Variants in MYBPC1 observed in about 807,000 individuals in gnomAD.
The protein encoded by MYBPC1 is myosin binding protein C1.
Under a neutral mutation model 147.1 loss-of-function variants are expected in MYBPC1, and 52 were observed. That is an observed-to-expected ratio of 0.35 (90% CI 0.28 to 0.45). MYBPC1 has a LOEUF of 0.45. Ranked by LOEUF, MYBPC1 falls within the 20% of genes least tolerant of loss-of-function variation. The pLI is 1.00. For synonymous variants in MYBPC1, 477 were observed against 475.9 expected, an observed-to-expected ratio of 1.00 and a Z score of -0.03; for missense variants, 1,228 against 1,440.3, an observed-to-expected ratio of 0.85 and a Z score of 2.39.
chr12:101,618,599 A>G (rs938828113), intron 3 of MYBPC1, among the ~76,000 whole-genome samples: 2 of 152,224 alleles, frequency 1.3e-5, no homozygotes, highest in Non-Finnish European at 2.9e-5. Context: ...AAGCTGTCAA[A>G]GTTTAAACAA....
intron 4 of MYBPC1, among the ~76,000 whole-genome samples, 153 bp downstream of exon 4, chr12:101,627,063 C>T (rs1466828294): frequency 6.6e-6 from 1 of 152,094 alleles, no homozygotes; most frequent in African/African-American, 2.4e-5. Flanking sequence ...GAAATGTTGG[C>T]TTTAATGACA....
chr12:101,633,305 A>C (rs1697490), intron 8 of MYBPC1, among the ~76,000 whole-genome samples: 90,730 of 151,922 alleles, frequency 0.6, 27,786 homozygotes, highest in Middle Eastern at 0.72. Flanking sequence ...TCACACAGAA[A>C]ATGGAAAACA....
At chr12:101,682,212 A>G (rs1951049027) in intron 29 of MYBPC1, among the ~76,000 whole-genome samples, 1 of 152,192 alleles carries the variant, frequency 6.6e-6, no homozygotes, top group African/African-American at 2.4e-5. Flanking sequence ...AACTAAAAAA[A>G]AAAGTACCAC....
At chr12:101,609,855 ATT>A (rs1447535351) in intron 1 of MYBPC1, among the ~76,000 whole-genome samples, 1 of 152,226 alleles carries the variant, frequency 6.6e-6, no homozygotes, top group Non-Finnish European at 1.5e-5. Flanking sequence ...AGTTCAATGA[ATT>A]TAGGTTGCAA....
chr12:101,617,147 A>G, intron 2 of MYBPC1, 55 bp from the exon 3 acceptor site: 1 of 1,579,684 alleles, frequency 6.3e-7, no homozygotes. Flanking sequence ...GTTGCTCATC[A>G]CACAATAAAA....
chr12:101,660,302 T>G, intron 19 of MYBPC1: 1 of 238,566 alleles, frequency 4.2e-6, no homozygotes, highest in East Asian at 9.7e-5. Flanking sequence ...TATCAGACAC[T>G]GAACTATACT....
intron 1 of MYBPC1, among the ~76,000 whole-genome samples, chr12:101,606,404 C>G (rs1882185696): frequency 6.6e-6 from 1 of 151,964 alleles, no homozygotes; most frequent in Non-Finnish European, 1.5e-5. Flanking sequence ...AACTCCCTAC[C>G]TAGGCAGCTC....
chr12:101,666,704 G>T, intron 22 of MYBPC1: 1 of 1,538,326 alleles, frequency 6.5e-7, no homozygotes, highest in Non-Finnish European at 9.0e-7. Flanking sequence ...TGGTGTGAAA[G>T]TGGGTGTCTT....
intron 31 of MYBPC1, 106 bp from the exon 32 acceptor site, chr12:101,685,476 G>A (rs1354122359): frequency 3.9e-6 from 3 of 762,122 alleles, no homozygotes; most frequent in Non-Finnish European, 6.7e-6. Flanking sequence ...TAACTAATGG[G>A]AACATGATTA....
intron 16 of MYBPC1, among the ~76,000 whole-genome samples, chr12:101,651,808 C>A (rs1894520994): frequency 6.6e-6 from 1 of 152,074 alleles, no homozygotes; most frequent in African/African-American, 2.4e-5. Context: ...GGCGTGGTGG[C>A]ATGCACCTGT....
chr12:101,690,052 G>A (rs1341361961), downstream of MYBPC1, among the ~76,000 whole-genome samples: 1 of 152,180 alleles, frequency 6.6e-6, no homozygotes, highest in Admixed American at 6.5e-5. Context: ...GCGCGTGCCT[G>A]TAATCCCAGC....
intron 26 of MYBPC1, among the ~76,000 whole-genome samples, chr12:101,676,708 A>G (rs1385944133): frequency 6.6e-6 from 1 of 152,160 alleles, no homozygotes; most frequent in Non-Finnish European, 1.5e-5. Flanking sequence ...CCAAGATTGC[A>G]TCACTGCACT....
intron 28 of MYBPC1, among the ~76,000 whole-genome samples, chr12:101,678,483 C>G (rs1257342381): frequency 6.6e-6 from 1 of 152,212 alleles, no homozygotes; most frequent in Non-Finnish European, 1.5e-5. Context: ...AAAAGAACAT[C>G]TCCTGTGTAA....
In MYBPC1 at chr12:101,684,851, T is replaced by C. The variant is rs144116204; in HGVS notation, c.*19+427T>C. 3.4e-3 allele frequency among the ~76,000 whole-genome samples: 517 copies of C among 152,342 alleles called. 3 individuals carry two copies. The highest frequency in any genetic ancestry group is 0.012 in the African/African-American group (497 of 41,588). On this transcript the variant is annotated intron_variant, in intron 31 of 31. Transcript: ENST00000361466. ...TTTTAAGAATGTTCAAATGGCATGC[T>C]GCTTTGTCTGGACGTGAATTTATTA...
At chr12:101,639,188 T>C (rs375887550) in intron 10 of MYBPC1, among the ~76,000 whole-genome samples, 27 of 152,380 alleles carry the variant, frequency 1.8e-4, no homozygotes, top group African/African-American at 6.3e-4. Flanking sequence ...AGTTGTACTC[T>C]ACATAAAATT....
At chr12:101,680,286 A>G in intron 28 of MYBPC1, 57 bp from the exon 29 acceptor site, 1 of 1,521,108 alleles carries the variant, frequency 6.6e-7, no homozygotes, top group East Asian at 2.3e-5. Context: ...TTGATGGTCT[A>G]TTAATATGCC....
At chr12:101,642,800 T>C (rs1223470191) in intron 11 of MYBPC1, among the ~76,000 whole-genome samples, 1 of 152,154 alleles carries the variant, frequency 6.6e-6, no homozygotes, top group Admixed American at 6.5e-5. Flanking sequence ...AATGGAATAG[T>C]ACATTACCCC....
In MYBPC1 at chr12:101,649,313, G is replaced by A. The variant is rs138048478; in HGVS notation, c.1250G>A (p.Arg417Lys). Residue 417 changes from arginine (R) to lysine (K), a missense_variant, in exon 15 of 32, where the codon AGA (arginine) becomes AAA (lysine). Arg to Lys is a conservative substitution (Grantham distance 26, BLOSUM62 2). Coordinates refer to ENST00000361466, the MANE Select transcript of MYBPC1 (RefSeq NM_002465.4). Reference sequence around the variant, plus strand: ...GGTCCAAAATCAAGATACCGAATTAGAGTTGAGGGTAAAAAACACATCTTG... The same window carrying A: ...GGTCCAAAATCAAGATACCGAATTAAAGTTGAGGGTAAAAAACACATCTTG... ...IPGPKSRYRI[R>K]VEGKKHILII... is the part of the protein sequence containing the mutation. The A allele has an allele frequency of 1.7e-3, 2,727 of 1,613,898 alleles. No homozygotes were observed. The highest frequency in any genetic ancestry group is 2.1e-3 in the Non-Finnish European group (2,502 of 1,179,810).
intron 10 of MYBPC1, among the ~76,000 whole-genome samples, chr12:101,640,468 G>T (rs887218332): frequency 6.6e-6 from 1 of 152,060 alleles, no homozygotes; most frequent in Non-Finnish European, 1.5e-5. Context: ...TAAGCTTTTC[G>T]ATTTTCTCAT....
Sources: gnomAD v4.1 joint callset for allele counts (sites outside exome capture counted in the v4.1 genomes callset) on GRCh38, gnomAD v4.1.1 for gene constraint, MANE v1.5 for transcripts, NCBI Gene and HGNC (gene_info 2026-07-23, HGNC 2026-07-21) for gene names.